Variants in ELAC1 observed in about 807,000 individuals in gnomAD.
ELAC1 encodes elaC ribonuclease Z 1.
ELAC1 carries 19 observed loss-of-function variants against 25.8 expected under a neutral mutation model. The observed-to-expected ratio is 0.74, with a 90% CI of 0.51 to 1.08. The LOEUF is 1.08. Among genes scored for constraint, ELAC1 ranks in the 50% least tolerant of loss-of-function variants. ELAC1 has a pLI of 0.00. For synonymous variants in ELAC1, 148 were observed against 160.9 expected (o/e 0.92, Z 0.61); for missense variants, 403 against 434.6 (o/e 0.93, Z 0.65).
At chr18:50,983,875 A>AAAAC (rs1908027774) in intron 2 of ELAC1, among the ~76,000 whole-genome samples, 1 of 151,924 alleles carries the variant, frequency 6.6e-6, no homozygotes, top group Non-Finnish European at 1.5e-5. Context: ...AAAACTATTA[A>AAAAC]AAACAAACAA....
At chr18:50,975,466 GTTCT>G (rs977730632) in intron 2 of ELAC1, among the ~76,000 whole-genome samples, 1 of 151,234 alleles carries the variant, frequency 6.6e-6, no homozygotes, top group African/African-American at 2.4e-5. Context: ...TTGTTTCTGT[GTTCT>G]TTATCTCCCT....
chr18:50,972,680 A>C (rs1907699004), intron 1 of ELAC1, among the ~76,000 whole-genome samples: 1 of 152,130 alleles, frequency 6.6e-6, no homozygotes, highest in African/African-American at 2.4e-5. Flanking sequence ...ACAGGGTTTC[A>C]CCATCTTGGC....
In ELAC1 at chr18:50,985,451, G is replaced by A. The variant is rs376836899; in HGVS notation, c.625+888G>A. 2.4e-4 allele frequency among the ~76,000 whole-genome samples: 37 copies of A among 152,336 alleles called. No homozygotes were observed. The South Asian group carries it at 7.7e-3, about 32-fold the overall frequency. On this transcript the variant is annotated intron_variant, in intron 3 of 3. Coordinates refer to ENST00000269466, the MANE Select transcript of ELAC1 (RefSeq NM_018696.3). ...AGAGGTGGGCTTGGGGCCCATCTAA[G>A]GCTTCACACCTCCTCTATGCTAAGC...
At chr18:50,984,674 G>C in intron 3 of ELAC1, 111 bp downstream of exon 3, 4 of 816,406 alleles carry the variant, frequency 4.9e-6, no homozygotes, top group Non-Finnish European at 7.6e-6. Flanking sequence ...GCTCACGCCT[G>C]TAATCCTAGC....
At chr18:50,972,151 T>C (rs994184225) in intron 1 of ELAC1, among the ~76,000 whole-genome samples, 2 of 151,692 alleles carry the variant, frequency 1.3e-5, no homozygotes, top group Non-Finnish European at 2.9e-5. Context: ...AGTTTCTGGA[T>C]TTTATGTCTT....
Position 50,984,469 on chromosome 18 carries a change from A to G in ELAC1, c.531A>G (p.Ala177=). 6.2e-7 allele frequency: 1 copy of G among 1,612,440 alleles called. No individual in the cohort carries two copies. The highest frequency in any genetic ancestry group is 8.5e-7 in the Non-Finnish European group (1 of 1,179,228). ...ATGATGAACAATTTGTTGTAAAAGC[A>G]TTTCGCCTCTTTCACAGAATTCCCT... ...LFDDEQFVVK[A]FRLFHRIPSF... Residue 177 remains alanine, a synonymous_variant, in exon 3 of 4, where the codon GCA becomes GCG. Coordinates refer to ENST00000269466, the MANE Select transcript of ELAC1 (RefSeq NM_018696.3).
intron 1 of ELAC1, among the ~76,000 whole-genome samples, chr18:50,971,910 G>GTATA (rs1423715307): frequency 3.8e-3 from 245 of 64,150 alleles, no homozygotes; most frequent in East Asian, 0.023. Context: ...GTGTGTGTGT[G>GTATA]TGTATATATA....
In ELAC1 at chr18:50,986,331, A is replaced by G. The variant is rs765477723; in HGVS notation, c.626-288A>G. ...AAACTGTTGTTTCTGTGCACAGCAG[A>G]GAATCAAGAATGTTACAGTGACTAC... is the stretch of plus-strand genomic sequence containing the variant. On this transcript the variant is annotated intron_variant, in intron 3 of 3. Coordinates refer to ENST00000269466, the MANE Select transcript of ELAC1 (RefSeq NM_018696.3). Among the ~76,000 whole-genome samples the G allele has an allele frequency of 3.9e-4, 59 of 152,242 alleles. 2 individuals carry two copies. The highest frequency in any genetic ancestry group is 7.2e-5 in the African/African-American group (3 of 41,460).
chr18:50,973,292 T>C (rs1907711287), intron 1 of ELAC1, among the ~76,000 whole-genome samples: 1 of 152,224 alleles, frequency 6.6e-6, no homozygotes, highest in South Asian at 2.1e-4. Context: ...CTATAATCAG[T>C]TATGTATAAA....
At chr18:50,983,204 C>T (rs1202330294) in intron 2 of ELAC1, among the ~76,000 whole-genome samples, 2 of 116,746 alleles carry the variant, frequency 1.7e-5, no homozygotes, top group Non-Finnish European at 3.3e-5. Context: ...CTCTTGTTGC[C>T]CAGGCTGGAG....
intron 1 of ELAC1, chr18:50,969,847 T>C (rs1382459087): frequency 6.6e-6 from 1 of 152,222 alleles, no homozygotes; most frequent in Non-Finnish European, 1.5e-5. Flanking sequence ...TTTTTCAGAA[T>C]AAAACTTTTT....
At chr18:50,981,605 G>A (rs1907950553) in intron 2 of ELAC1, among the ~76,000 whole-genome samples, 1 of 152,032 alleles carries the variant, frequency 6.6e-6, no homozygotes, top group Admixed American at 6.6e-5. Context: ...GATAATTGTG[G>A]TTGCCATTCC....
At chr18:50,975,663 C>T (rs750717281) in intron 2 of ELAC1, among the ~76,000 whole-genome samples, 1 of 151,896 alleles carries the variant, frequency 6.6e-6, no homozygotes, top group Non-Finnish European at 1.5e-5. Flanking sequence ...GTATTGAAGT[C>T]ATTATTCCTA....
rs755062125 is a variant in ELAC1, at chr18:50,971,908, G to GTA, written c.-8-2488_-8-2487insAT. ...TATATATGTATATATGTGTGTGTGTGTGTGTATATATATATATATATATAT... is the reference window on the plus strand; with the variant it reads ...TATATATGTATATATGTGTGTGTGTGTATGTGTATATATATATATATATATAT... On this transcript the variant is annotated intron_variant, in intron 1 of 3. Coordinates refer to ENST00000269466, the MANE Select transcript of ELAC1 (RefSeq NM_018696.3). 5.9e-3 allele frequency among the ~76,000 whole-genome samples: 756 copies of GTA among 127,138 alleles called. 10 individuals carry two copies. The highest frequency in any genetic ancestry group is 0.017 in the African/African-American group (516 of 29,490). 83.4% of individuals were successfully genotyped at this position (127,138 alleles called of 152,430 possible).
chr18:50,985,661 G>T (rs2144326534), intron 3 of ELAC1, among the ~76,000 whole-genome samples: 1 of 152,306 alleles, frequency 6.6e-6, no homozygotes, highest in East Asian at 1.9e-4. Context: ...AAAACAAAAT[G>T]CTAGATAATG....
Position 50,984,106 on chromosome 18 carries a change from C to A in ELAC1, c.168C>A (p.Thr56=). The change falls in exon 3 of 4, where the codon ACC becomes ACA. Residue 56 remains threonine, a synonymous_variant. Coordinates refer to ENST00000269466, the MANE Select transcript of ELAC1 (RefSeq NM_018696.3). ...MKSQLKAGRI[T]KIFITHLHGD... is the part of the protein sequence containing the mutation. ...TATCTCAATCAAAAGGGAGAATTAC[C>A]AAGATCTTCATCACACACCTTCATG... 6.3e-7 allele frequency: 1 copy of A among 1,575,460 alleles called. No individual in the cohort carries two copies. The highest frequency in any genetic ancestry group is 8.6e-7 in the Non-Finnish European group (1 of 1,162,846).
chr18:50,985,177 TG>T (rs1200475979), intron 3 of ELAC1, among the ~76,000 whole-genome samples: 2 of 152,186 alleles, frequency 1.3e-5, no homozygotes, highest in Non-Finnish European at 2.9e-5. Context: ...GTGGTAGTGG[TG>T]GTGGTTTTAG....
Position 50,984,191 on chromosome 18 carries a change from A to G in ELAC1, c.253A>G (p.Met85Val), listed in dbSNP as rs750929592. Residue 85 changes from methionine (M) to valine (V), a missense_variant, in exon 3 of 4, where the codon ATG becomes GTG. Transcript: ENST00000269466. ...LCTISLQSGSMVSKQPIEIYG... is the reference protein window; with the variant it reads ...LCTISLQSGSVVSKQPIEIYG... ...CACAATCAGCCTGCAGAGTGGCTCC[A>G]TGGTGTCCAAACAGCCTATTGAAAT... 9.4e-5 allele frequency: 151 copies of G among 1,614,054 alleles called. No individual in the cohort carries two copies. The highest frequency in any genetic ancestry group is 1.2e-4 in the Non-Finnish European group (143 of 1,180,022).
intron 3 of ELAC1, 23 bp downstream of exon 3, chr18:50,984,586 T>G (rs1704770): frequency 6.4e-7 from 1 of 1,553,486 alleles, no homozygotes; most frequent in Non-Finnish European, 8.8e-7. Flanking sequence ...TTGTTTTTTG[T>G]TTTTTCCCGC....
Sources: gnomAD v4.1 joint callset for allele counts (sites outside exome capture counted in the v4.1 genomes callset) on GRCh38, gnomAD v4.1.1 for gene constraint, MANE v1.5 for transcripts, NCBI Gene and HGNC (gene_info 2026-07-23, HGNC 2026-07-21) for gene names.